Variants in MCC observed in about 807,000 individuals in gnomAD.
The protein encoded by MCC is colorectal mutant cancer protein.
MCC carries 90 observed loss-of-function variants against 116.2 expected under a neutral mutation model. That is an observed-to-expected ratio of 0.77 (90% CI 0.65 to 0.92). The LOEUF is 0.92. MCC is among the 40% of genes least tolerant of loss of function. The pLI, the probability that MCC is intolerant of heterozygous loss-of-function variation, is 0.00. For missense variants in MCC, 1,516 were observed against 1,312.2 expected, an observed-to-expected ratio of 1.16 and a Z score of -2.40; for synonymous variants, 578 against 510.5, an observed-to-expected ratio of 1.13 and a Z score of -1.78.
chr5:113,130,294 T>C (rs921543440), intron 5 of MCC, among the ~76,000 whole-genome samples: 1 of 151,890 alleles, frequency 6.6e-6, no homozygotes, highest in African/African-American at 2.4e-5. Context: ...AATGAGAACA[T>C]ATGGGCACAG....
At chr5:113,224,530 G>A (rs1299342067) in intron 3 of MCC, among the ~76,000 whole-genome samples, 1 of 152,162 alleles carries the variant, frequency 6.6e-6, no homozygotes, top group East Asian at 1.9e-4. Context: ...TTTTCTAATG[G>A]TGGCATAACC....
intron 3 of MCC, among the ~76,000 whole-genome samples, chr5:113,301,839 A>G (rs1011066931): frequency 6.6e-6 from 1 of 152,238 alleles, no homozygotes; most frequent in Admixed American, 6.5e-5. Context: ...CAGTGATGGA[A>G]CATGATGAAA....
At chr5:113,285,480 TC>T (rs1035750636) in intron 3 of MCC, among the ~76,000 whole-genome samples, 11 of 151,792 alleles carry the variant, frequency 7.2e-5, no homozygotes, top group Non-Finnish European at 1.6e-4. Flanking sequence ...AGAACTGTTT[TC>T]TTGGACCTCA....
chr5:113,283,671 G>C (rs1182966681), intron 3 of MCC, among the ~76,000 whole-genome samples: 2 of 152,146 alleles, frequency 1.3e-5, no homozygotes, highest in African/African-American at 2.4e-5. Context: ...CCCGCAAAAA[G>C]AAAGGCGTAT....
intron 3 of MCC, among the ~76,000 whole-genome samples, chr5:113,271,172 G>A (rs1765605173): frequency 1.3e-5 from 2 of 152,176 alleles, no homozygotes; most frequent in African/African-American, 4.8e-5. Flanking sequence ...AGAATTGCAA[G>A]GATATAATGC....
intron 14 of MCC, among the ~76,000 whole-genome samples, chr5:113,059,045 C>G (rs1046119829): frequency 1.3e-5 from 2 of 152,080 alleles, no homozygotes; most frequent in African/African-American, 4.8e-5. Flanking sequence ...GACTGACAGG[C>G]GCTGCCACCC....
chr5:113,038,949 G>T (rs1217478029), intron 17 of MCC, among the ~76,000 whole-genome samples: 1 of 152,218 alleles, frequency 6.6e-6, no homozygotes, highest in Non-Finnish European at 1.5e-5. Context: ...GCATATTCCA[G>T]TTCCCTGGAG....
intron 11 of MCC, among the ~76,000 whole-genome samples, chr5:113,081,075 C>T (rs1754827615): frequency 6.6e-6 from 1 of 152,074 alleles, no homozygotes; most frequent in Non-Finnish European, 1.5e-5. Context: ...TAGGGATGAC[C>T]CCCCCTCCCC....
intron 1 of MCC, among the ~76,000 whole-genome samples, chr5:113,426,903 A>G (rs1770499871): frequency 6.6e-6 from 1 of 152,164 alleles, no homozygotes; most frequent in South Asian, 2.1e-4. Context: ...ACTCTCCCTC[A>G]GTACTCCTGT....
At chr5:113,483,479 T>C (rs181549927) in intron 1 of MCC, among the ~76,000 whole-genome samples, 1 of 152,248 alleles carries the variant, frequency 6.6e-6, no homozygotes, top group Non-Finnish European at 1.5e-5. Context: ...ACTGGGAAAA[T>C]AGAAATAATA....
At chr5:113,435,148 G>A (rs7722421) in intron 1 of MCC, 29,292 of 345,712 alleles carry the variant, frequency 0.085, 2,379 homozygotes, top group African/African-American at 0.27. Context: ...AAGTGGCCTC[G>A]TGTCTTGCTG....
intron 2 of MCC, among the ~76,000 whole-genome samples, chr5:113,358,101 A>T (rs1768458120): frequency 6.6e-6 from 1 of 152,232 alleles, no homozygotes; most frequent in African/African-American, 2.4e-5. Flanking sequence ...GCAGACCCAT[A>T]TAGACTCACC....
chr5:113,465,678 A>C (rs1771882761), intron 1 of MCC, among the ~76,000 whole-genome samples: 1 of 152,176 alleles, frequency 6.6e-6, no homozygotes, highest in Admixed American at 6.5e-5. Context: ...AAAAATACAA[A>C]TTCCTAACAG....
At chr5:113,075,197 G>A (rs560193261) in intron 11 of MCC, among the ~76,000 whole-genome samples, 20 of 152,340 alleles carry the variant, frequency 1.3e-4, no homozygotes, top group African/African-American at 4.6e-4. Flanking sequence ...GCTGTGGAGG[G>A]TGCACCGGGT....
At chr5:113,051,128 A>T (rs984624687) in intron 15 of MCC, among the ~76,000 whole-genome samples, 1 of 152,174 alleles carries the variant, frequency 6.6e-6, no homozygotes, top group Non-Finnish European at 1.5e-5. Flanking sequence ...AACCTCAGAA[A>T]CTGATGAGTC....
At chr5:113,031,740 C>T (rs572152291) in intron 17 of MCC, among the ~76,000 whole-genome samples, 1 of 152,250 alleles carries the variant, frequency 6.6e-6, no homozygotes, top group East Asian at 1.9e-4. Context: ...CCAGCCCTTC[C>T]ACAAGACAAA....
intron 3 of MCC, among the ~76,000 whole-genome samples, chr5:113,215,143 C>G (rs1225523225): frequency 6.6e-6 from 1 of 152,220 alleles, no homozygotes; most frequent in African/African-American, 2.4e-5. Context: ...CTCCAGAAGC[C>G]TTTGCTGACA....
intron 3 of MCC, among the ~76,000 whole-genome samples, chr5:113,238,648 A>C (rs1206641296): frequency 6.6e-6 from 1 of 152,226 alleles, no homozygotes; most frequent in African/African-American, 2.4e-5. Flanking sequence ...AAGAGACCAG[A>C]GATTAGAAAA....
At chr5:113,337,152 T>C (rs1767889776) in intron 3 of MCC, among the ~76,000 whole-genome samples, 1 of 152,148 alleles carries the variant, frequency 6.6e-6, no homozygotes, top group East Asian at 1.9e-4. Context: ...GCTCTTGTGG[T>C]GGGTAGGCGC....
Sources: gnomAD v4.1 joint callset for allele counts (sites outside exome capture counted in the v4.1 genomes callset) on GRCh38, gnomAD v4.1.1 for gene constraint, MANE v1.5 for transcripts, NCBI Gene and HGNC (gene_info 2026-07-23, HGNC 2026-07-21) for gene names.